Variants in POLE4 observed in about 807,000 individuals in gnomAD.
POLE4 encodes DNA polymerase epsilon 4, accessory subunit.
Under a neutral mutation model 15.6 loss-of-function variants are expected in POLE4, and 15 were observed. The ratio of observed to expected loss-of-function variants is 0.96; its 90% CI spans 0.64 to 1.48. The LOEUF (loss-of-function observed/expected upper bound fraction) is 1.48, where lower values mean the gene tolerates loss of function less well. POLE4 is among the 40% of genes most tolerant of loss of function. POLE4 has a pLI of 0.00. For missense variants in POLE4, 205 were observed against 151.9 expected (o/e 1.35, Z -1.84); for synonymous variants, 83 against 63.2 (o/e 1.31, Z -1.49).
At chr2:74,968,445 G>A (rs1237204741) in intron 3 of POLE4, among the ~76,000 whole-genome samples, 1 of 152,046 alleles carries the variant, frequency 6.6e-6, no homozygotes, top group Non-Finnish European at 1.5e-5. Context: ...GGATGAGGGG[G>A]TGGTTGTTGC....
At chr2:74,961,613 G>C (rs753783757) in intron 3 of POLE4, 10 of 152,188 alleles carry the variant, frequency 6.6e-5, no homozygotes, top group Non-Finnish European at 1.0e-4. Flanking sequence ...ATAAACTGGA[G>C]GGTACTAGGA....
chr2:74,969,536 C>A lies in POLE4; in HGVS notation c.*114C>A. ...TGCACTTACACACACTCTTCCTGTT[C>A]TGCCTTCACCTATGCCGGGATAAGC... On this transcript the variant is annotated 3_prime_UTR_variant, in exon 4 of 4. Coordinates refer to ENST00000483063, the MANE Select transcript of POLE4 (RefSeq NM_019896.4). 1.1e-6 allele frequency: 1 copy of A among 917,068 alleles called. No individual in the cohort carries two copies. Among genetic ancestry groups the A allele is most frequent in the Non-Finnish European group, 1.8e-6 (1 of 545,812 alleles). 56.8% of individuals were successfully genotyped at this position (917,068 alleles called of 1,614,324 possible).
chr2:74,961,347 C>G (rs1671218504), intron 3 of POLE4: 1 of 152,140 alleles, frequency 6.6e-6, no homozygotes, highest in South Asian at 2.1e-4. Context: ...AACTCTATGT[C>G]TAGACTATTG....
intron 3 of POLE4, 115 bp from the exon 4 acceptor site, chr2:74,969,294 T>C: frequency 1.1e-6 from 1 of 904,502 alleles, no homozygotes; most frequent in Non-Finnish European, 1.9e-6. Flanking sequence ...AGTATTTTGG[T>C]CTTAGAGAAC....
chr2:74,968,379 C>A (rs997608411), intron 3 of POLE4, among the ~76,000 whole-genome samples: 2 of 151,870 alleles, frequency 1.3e-5, no homozygotes, highest in Non-Finnish European at 2.9e-5. Flanking sequence ...TGGTGATTTT[C>A]ATTCTATTTA....
At chr2:74,965,325 T>C (rs1250520400) in intron 3 of POLE4, among the ~76,000 whole-genome samples, 1 of 152,122 alleles carries the variant, frequency 6.6e-6, no homozygotes, top group African/African-American at 2.4e-5. Context: ...ACTCCTGACC[T>C]CAGGTGTTCA....
At chr2:74,967,246 A>G (rs977699553) in intron 3 of POLE4, among the ~76,000 whole-genome samples, 7 of 151,344 alleles carry the variant, frequency 4.6e-5, no homozygotes, top group Non-Finnish European at 7.4e-5. Flanking sequence ...CCTCTCTAGT[A>G]TGCATTCTGT....
Position 74,958,821 on chromosome 2 carries a change from G to C in POLE4, c.142G>C (p.Ala48Pro). The C allele has an allele frequency of 6.4e-7, 1 of 1,558,458 alleles. No homozygotes were observed. ...GAGGTTGCCTCTGGCGCGAGTGAAG[G>C]CCTTGGTGAAGGCAGATCCCGACGT... is the stretch of plus-strand genomic sequence containing the variant. ...LSRLPLARVK[A>P]LVKADPDVTL... The change falls in exon 1 of 4, where the codon GCC (alanine) becomes CCC (proline). Residue 48 changes from alanine to proline, a missense_variant. Transcript: ENST00000483063.
Position 74,958,657 on chromosome 2 carries a change from C to A in POLE4, c.-23C>A. The A allele has an allele frequency of 7.1e-7, 1 of 1,401,474 alleles. No individual in the cohort carries two copies. The allele number at this position is 1,401,474 out of a possible 1,614,324, so 86.8% of individuals were successfully genotyped here. ...CATGCGCGCGCACAGTCGGCGGCCG[C>A]GCGCAGCACGCTCAAGGCCGGGATG... On this transcript the variant is annotated 5_prime_UTR_variant, in exon 1 of 4. Coordinates refer to ENST00000483063, the MANE Select transcript of POLE4 (RefSeq NM_019896.4).
At chr2:74,965,843 G>A (rs1425012970) in intron 3 of POLE4, among the ~76,000 whole-genome samples, 1 of 152,044 alleles carries the variant, frequency 6.6e-6, no homozygotes, top group African/African-American at 2.4e-5. Context: ...TATTTGCACG[G>A]TACGGATTTT....
At chr2:74,965,066 T>C (rs1671276551) in intron 3 of POLE4, among the ~76,000 whole-genome samples, 1 of 150,994 alleles carries the variant, frequency 6.6e-6, no homozygotes, top group Non-Finnish European at 1.5e-5. Context: ...ATACAATTCA[T>C]TGGCAATTAT....
rs77898115 is a variant in POLE4, at chr2:74,960,506, T to C, written c.340+360T>C. 32 of 475,102 alleles carry C rather than the reference T, an allele frequency of 6.7e-5. 1 individual carries two copies. The East Asian group carries it at 1.6e-3, about 24-fold the overall frequency. The allele number at this position is 475,102 out of a possible 1,614,324, so 29.4% of individuals were successfully genotyped here. On this transcript the variant is annotated intron_variant, in intron 3 of 3. Transcript: ENST00000483063. ...GAAACAATTGTTAACATTTAAAGGG[T>C]CACCGCTTGTTCTTTTTTCTTCAAC... is the stretch of plus-strand genomic sequence containing the variant.
Position 74,958,848 on chromosome 2 carries a change from A to T in POLE4, c.169A>T (p.Thr57Ser). 1 of 1,561,326 alleles carries T rather than the reference A, an allele frequency of 6.4e-7. No individual in the cohort carries two copies. Among genetic ancestry groups the T allele is most frequent in the Non-Finnish European group, 8.7e-7 (1 of 1,152,854 alleles). Residue 57 changes from threonine to serine, a missense_variant, in exon 1 of 4, where the codon ACG (threonine) becomes TCG (serine). Transcript: ENST00000483063. Reference protein sequence around the residue: ...KALVKADPDVTLAGQEAIFIL... With the variant: ...KALVKADPDVSLAGQEAIFIL... Reference sequence around the variant, plus strand: ...CTTGGTGAAGGCAGATCCCGACGTGACGCTAGCGGGACAGGAAGCCATCTT... The same window carrying T: ...CTTGGTGAAGGCAGATCCCGACGTGTCGCTAGCGGGACAGGAAGCCATCTT...
At chr2:74,968,880 TA>T (rs765431007) in intron 3 of POLE4, among the ~76,000 whole-genome samples, 4 of 152,052 alleles carry the variant, frequency 2.6e-5, no homozygotes, top group Non-Finnish European at 5.9e-5. Context: ...GCTCTATTTA[TA>T]AGCATACTTT....
intron 3 of POLE4, among the ~76,000 whole-genome samples, chr2:74,963,584 G>GC (rs978243236): frequency 2.6e-5 from 4 of 151,768 alleles, no homozygotes; most frequent in Non-Finnish European, 2.9e-5. Flanking sequence ...GCTCAATGCA[G>GC]CCCCCCCTCC....
intron 3 of POLE4, among the ~76,000 whole-genome samples, chr2:74,967,458 A>T (rs1671313135): frequency 6.8e-6 from 1 of 147,286 alleles, no homozygotes. Flanking sequence ...TGTTGTTCTT[A>T]TTTTCTGCAG....
In POLE4 at chr2:74,959,336, C is replaced by A; in HGVS notation, c.214-5C>A. Reference sequence around the variant, plus strand: ...TTACTAAAACTTTGCTTTTTTACTTCACAGGAACTGTTTGTGGAGACCATT... The same window carrying A: ...TTACTAAAACTTTGCTTTTTTACTTAACAGGAACTGTTTGTGGAGACCATT... On this transcript the variant is annotated splice_region_variant and splice_polypyrimidine_tract_variant and intron_variant, in intron 1 of 3. Coordinates refer to ENST00000483063, the MANE Select transcript of POLE4 (RefSeq NM_019896.4). 2.5e-6 allele frequency: 4 copies of A among 1,609,624 alleles called. No individual in the cohort carries two copies. Among genetic ancestry groups the A allele is most frequent in the Non-Finnish European group, 3.4e-6 (4 of 1,176,356 alleles).
In POLE4 at chr2:74,969,482, C is replaced by G. The variant is rs550309280; in HGVS notation, c.*60C>G. ...GAAGCCTTCAGTTCACCCCTCTGCACAGGCCTCAGCTTTGAAGAACGGAGT... is the reference window on the plus strand; with the variant it reads ...GAAGCCTTCAGTTCACCCCTCTGCAGAGGCCTCAGCTTTGAAGAACGGAGT... On this transcript the variant is annotated 3_prime_UTR_variant, in exon 4 of 4. Transcript: ENST00000483063. The G allele has an allele frequency of 2.7e-6, 4 of 1,507,806 alleles. No individual in the cohort carries two copies. In the South Asian group the frequency reaches 4.5e-5, roughly 17 times the overall value. The allele number at this position is 1,507,806 out of a possible 1,614,324, so 93.4% of individuals were successfully genotyped here.
chr2:74,969,317 C>T (rs941725152), intron 3 of POLE4, 92 bp from the exon 4 acceptor site: 27 of 1,138,494 alleles, frequency 2.4e-5, no homozygotes, highest in African/African-American at 9.1e-5. Context: ...CTGCCAATAC[C>T]GGAGCCTCTT....
Sources: gnomAD v4.1 joint callset for allele counts (sites outside exome capture counted in the v4.1 genomes callset) on GRCh38, gnomAD v4.1.1 for gene constraint, MANE v1.5 for transcripts, NCBI Gene and HGNC (gene_info 2026-07-23, HGNC 2026-07-21) for gene names.